RAB38: variants seen among roughly 807,000 people sequenced by gnomAD.
The protein encoded by RAB38 is RAB38, member RAS oncogene family, also known as ras-related protein Rab-38.
A neutral mutation model predicts 18.4 loss-of-function variants in RAB38; 15 were observed. The ratio of observed to expected loss-of-function variants is 0.82; its 90% CI spans 0.55 to 1.26. The LOEUF (loss-of-function observed/expected upper bound fraction) is 1.26. Ranked by LOEUF, RAB38 falls within the 50% of genes most tolerant of loss-of-function variation. The probability of loss-of-function intolerance (pLI) is 0.00; values close to 1 mark genes in which losing one functional copy is unlikely to be tolerated. For synonymous variants in RAB38, 101 were observed against 104.4 expected, an observed-to-expected ratio of 0.97 and a Z score of 0.20; for missense variants, 294 against 267.4, an observed-to-expected ratio of 1.10 and a Z score of -0.69.
At chr11:88,145,067 G>T (rs955299470) in intron 2 of RAB38, among the ~76,000 whole-genome samples, 3 of 152,188 alleles carry the variant, frequency 2.0e-5, no homozygotes, top group Non-Finnish European at 4.4e-5. Context: ...AGTAGGAATG[G>T]TGTAGAGTGT....
chr11:87,805,778 G>T, the RAB38 span, among the ~76,000 whole-genome samples: 2 of 151,662 alleles, frequency 1.3e-5, no homozygotes, highest in African/African-American at 2.4e-5. Context: ...TATATATACA[G>T]ATATACACAT....
At chr11:88,030,526 A>G in the RAB38 span, among the ~76,000 whole-genome samples, 1 of 152,244 alleles carries the variant, frequency 6.6e-6, no homozygotes, top group Non-Finnish European at 1.5e-5. Flanking sequence ...AATAGACGCA[A>G]TAAAAAATGA....
the RAB38 span, among the ~76,000 whole-genome samples, chr11:87,918,467 A>G: frequency 1.3e-5 from 2 of 152,146 alleles, no homozygotes; most frequent in African/African-American, 4.8e-5. Context: ...ACTGTTTCCC[A>G]TAATGATGTA....
chr11:88,097,699 C>T, the RAB38 span, among the ~76,000 whole-genome samples: 1 of 151,930 alleles, frequency 6.6e-6, no homozygotes, highest in African/African-American at 2.4e-5. Flanking sequence ...TTTTCATACT[C>T]AACCTGTACC....
At chr11:87,945,150 T>C in the RAB38 span, among the ~76,000 whole-genome samples, 1 of 152,158 alleles carries the variant, frequency 6.6e-6, no homozygotes, top group Non-Finnish European at 1.5e-5. Flanking sequence ...CGTTGCTGGT[T>C]TTCTTTCGAG....
At chr11:87,836,942 A>G in the RAB38 span, among the ~76,000 whole-genome samples, 1 of 152,202 alleles carries the variant, frequency 6.6e-6, no homozygotes, top group Non-Finnish European at 1.5e-5. Context: ...TTTAGATGTC[A>G]GATCTCAGTG....
the RAB38 span, among the ~76,000 whole-genome samples, chr11:87,807,597 G>A: frequency 6.6e-6 from 1 of 152,128 alleles, no homozygotes; most frequent in South Asian, 2.1e-4. Context: ...TGTTAACTAG[G>A]TAGACAGAAC....
chr11:88,004,366 A>C, the RAB38 span, among the ~76,000 whole-genome samples: 2 of 151,174 alleles, frequency 1.3e-5, no homozygotes, highest in African/African-American at 4.8e-5. Context: ...TTACCACAAT[A>C]ACAAAATCAA....
the RAB38 span, among the ~76,000 whole-genome samples, chr11:88,024,394 G>A: frequency 6.6e-6 from 1 of 152,146 alleles, no homozygotes; most frequent in African/African-American, 2.4e-5. Context: ...AGCAAATGCT[G>A]GGGAAGATAT....
At chr11:88,157,116 C>T (rs1292207213) in intron 1 of RAB38, among the ~76,000 whole-genome samples, 2 of 152,172 alleles carry the variant, frequency 1.3e-5, no homozygotes, top group Non-Finnish European at 2.9e-5. Flanking sequence ...CATGTAATGA[C>T]ACCCATAGGC....
the RAB38 span, among the ~76,000 whole-genome samples, chr11:87,883,366 T>C: frequency 6.6e-6 from 1 of 151,856 alleles, no homozygotes; most frequent in Non-Finnish European, 1.5e-5. Flanking sequence ...AAACCTCACG[T>C]TTGAAATTTC....
chr11:87,964,133 C>CA, the RAB38 span, among the ~76,000 whole-genome samples: 1 of 152,112 alleles, frequency 6.6e-6, no homozygotes, highest in African/African-American at 2.4e-5. Context: ...CAAACCTCCC[C>CA]AAATGTAGTA....
At chr11:87,873,957 A>G in the RAB38 span, among the ~76,000 whole-genome samples, 2 of 86,622 alleles carry the variant, frequency 2.3e-5, no homozygotes, top group African/African-American at 7.9e-5. Flanking sequence ...TATACTCTGC[A>G]TAATAGTTCT....
chr11:87,921,786 AGAGCCTT>A, the RAB38 span, among the ~76,000 whole-genome samples: 1 of 151,798 alleles, frequency 6.6e-6, no homozygotes, highest in African/African-American at 2.4e-5. Context: ...ATTGGTTGGT[AGAGCCTT>A]TTTTTTTCTC....
At chr11:87,893,346 CACAT>C in the RAB38 span, among the ~76,000 whole-genome samples, 5 of 85,512 alleles carry the variant, frequency 5.8e-5, no homozygotes, top group Admixed American at 5.7e-4. Flanking sequence ...TACACACACA[CACAT>C]ATATATACCT....
In RAB38 at chr11:88,149,928, C is replaced by T. The variant is rs1204029909; in HGVS notation, c.230G>A (p.Arg77Lys). Reference protein sequence around the residue: ...AGQERFGNMTRVYYREAMGAF... With the variant: ...AGQERFGNMTKVYYREAMGAF... ...ACCCATAGCTTCTCGGTAATAGACC[C>T]TCGTCATGTTTCCAAATCTTTCTTG... is the stretch of plus-strand genomic sequence containing the variant. The change falls in exon 2 of 3, where the codon AGG becomes AAG. Residue 77 changes from arginine to lysine, a missense_variant. Coordinates refer to ENST00000243662, the MANE Select transcript of RAB38 (RefSeq NM_022337.3). 1 of 1,611,950 alleles carries T rather than the reference C, an allele frequency of 6.2e-7. No homozygotes were observed.
chr11:88,162,258 A>G (rs1026192443), intron 1 of RAB38, among the ~76,000 whole-genome samples: 2 of 152,136 alleles, frequency 1.3e-5, no homozygotes, highest in Middle Eastern at 3.2e-3. Context: ...AAACATATAA[A>G]TTAATTACCA....
At chr11:88,123,647 ATT>A (rs1271392463) in intron 2 of RAB38, among the ~76,000 whole-genome samples, 1 of 152,180 alleles carries the variant, frequency 6.6e-6, no homozygotes, top group Non-Finnish European at 1.5e-5. Flanking sequence ...TTTTAAAAAT[ATT>A]CTTTATATTC....
the RAB38 span, chr11:88,098,832 C>A: frequency 2.0e-5 from 3 of 151,888 alleles, no homozygotes; most frequent in Non-Finnish European, 2.9e-5. Context: ...CTTGTGGTAT[C>A]TCCTCCAGGT....
Sources: gnomAD v4.1 joint callset for allele counts (sites outside exome capture counted in the v4.1 genomes callset) on GRCh38, gnomAD v4.1.1 for gene constraint, MANE v1.5 for transcripts, NCBI Gene and HGNC (gene_info 2026-07-23, HGNC 2026-07-21) for gene names.